The following SERPINA12 variants were observed in gnomAD, a reference collection of about 807,000 sequenced individuals.
SERPINA12 encodes the protein serpin family A member 12, also known as serpin A12.
SERPINA12 carries 21 observed loss-of-function variants against 25.9 expected under a neutral mutation model. The observed-to-expected ratio is 0.81, with a 90% CI of 0.58 to 1.17. The LOEUF is 1.17. Ranked by LOEUF, SERPINA12 falls within the 50% of genes most tolerant of loss-of-function variation. SERPINA12 has a pLI of 0.00. For missense variants in SERPINA12, 562 were observed against 508.3 expected (o/e 1.11, Z -1.02); for synonymous variants, 220 against 196.0 (o/e 1.12, Z -1.02).
chr14:94,495,364 G>A (rs979168510), intron 3 of SERPINA12, among the ~76,000 whole-genome samples: 8 of 151,982 alleles, frequency 5.3e-5, no homozygotes, highest in African/African-American at 1.7e-4. Context: ...CACCGCGCCC[G>A]GCCAGAATTT....
chr14:94,516,564 AGT>A (rs1247606895), intron 1 of SERPINA12, among the ~76,000 whole-genome samples: 1 of 152,162 alleles, frequency 6.6e-6, no homozygotes, highest in Non-Finnish European at 1.5e-5. Flanking sequence ...CCAACCTCAG[AGT>A]GTTCCTGCTT....
chr14:94,489,504 G>A lies in SERPINA12; in HGVS notation c.1053+116C>T, dbSNP rs11160186. ...AAGGGGCACAGCTGCATTCATGCCCGCCCCGACTGGTGGGTGGAGTCTCGG... is the reference window on the plus strand; with the variant it reads ...AAGGGGCACAGCTGCATTCATGCCCACCCCGACTGGTGGGTGGAGTCTCGG... On this transcript the variant is annotated intron_variant, in intron 4 of 4. Transcript: ENST00000677451. 0.12 allele frequency: 147,034 copies of A among 1,225,544 alleles called. 9,146 individuals are homozygous for A. Among genetic ancestry groups the A allele is most frequent in the East Asian group, 0.21 (8,284 of 39,306 alleles). 75.9% of individuals were successfully genotyped at this position (1,225,544 alleles called of 1,614,324 possible).
At chr14:94,514,918 G>T (rs1324888932) in intron 2 of SERPINA12, among the ~76,000 whole-genome samples, 1 of 152,214 alleles carries the variant, frequency 6.6e-6, no homozygotes, top group Non-Finnish European at 1.5e-5. Flanking sequence ...AACAGGCAAT[G>T]AATCAGGGCC....
rs971873727 is a variant in SERPINA12, at chr14:94,492,207, T to C, written c.906-2440A>G. On this transcript the variant is annotated intron_variant, in intron 3 of 4. Transcript: ENST00000677451. Reference sequence around the variant, plus strand: ...TTGGGACCCTGGGAAGGGAGCTTTCTGTGAGAAGTGGGTGCAGAAGCTGGA... The same window carrying C: ...TTGGGACCCTGGGAAGGGAGCTTTCCGTGAGAAGTGGGTGCAGAAGCTGGA... Among the ~76,000 whole-genome samples, 6 of 152,264 alleles carry C rather than the reference T, an allele frequency of 3.9e-5. No homozygotes were observed. The East Asian group carries it at 1.2e-3, about 29-fold the overall frequency.
intron 3 of SERPINA12, among the ~76,000 whole-genome samples, chr14:94,490,907 G>T (rs1391983556): frequency 6.6e-6 from 1 of 152,018 alleles, no homozygotes; most frequent in African/African-American, 2.4e-5. Context: ...CCCCTGTCGG[G>T]CTCCACCCCT....
At chr14:94,508,941 C>T (rs1183726340) in intron 1 of SERPINA12, among the ~76,000 whole-genome samples, 1 of 152,138 alleles carries the variant, frequency 6.6e-6, no homozygotes, top group Non-Finnish European at 1.5e-5. Context: ...TATTCATAGA[C>T]ATTATGTATT....
chr14:94,496,396 T>C lies in SERPINA12; in HGVS notation c.882A>G (p.Arg294=). 1.2e-6 allele frequency: 2 copies of C among 1,614,186 alleles called. No individual in the cohort carries two copies. Among genetic ancestry groups the C allele is most frequent in the Non-Finnish European group, 1.7e-6 (2 of 1,180,040 alleles). Residue 294 remains arginine (R), a synonymous_variant, in exon 3 of 5, where the codon AGA becomes AGG. Coordinates refer to ENST00000677451, the MANE Select transcript of SERPINA12 (RefSeq NM_001382267.1). ...ACCTGCGTGACAGTAATGTTTTCCA[T>C]CTGGAGAAAGTGTCCACCTGCAATC... ...EKGLQVDTFS[R]WKTLLSRRVV... is the part of the protein sequence containing the mutation.
rs1348515574 is a variant in SERPINA12 at position 94,497,881 on chromosome 14, C to T, written c.517G>A (p.Ala173Thr). The T allele has an allele frequency of 1.9e-6, 3 of 1,614,024 alleles. No individual in the cohort carries two copies. Among genetic ancestry groups the T allele is most frequent in the Non-Finnish European group, 2.5e-6 (3 of 1,180,038 alleles). ...ILTNFQNLEM[A>T]QKQINDFISQ... ...ATAAAGTCATTGATCTGCTTCTGAG[C>T]CATTTCCAAATTCTGAAAGTTGGTA... The change falls in exon 2 of 5, where the codon GCT becomes ACT. Residue 173 changes from alanine to threonine, a missense_variant. Transcript: ENST00000677451.
At chr14:94,512,859 C>A (rs922960142), upstream of SERPINA12, among the ~76,000 whole-genome samples, 1 of 152,202 alleles carries the variant, frequency 6.6e-6, no homozygotes, top group East Asian at 1.9e-4. Flanking sequence ...CATTTCTGAG[C>A]TTTCAGAAAT....
intron 2 of SERPINA12, among the ~76,000 whole-genome samples, chr14:94,497,136 T>A (rs921195635): frequency 2.6e-5 from 4 of 152,226 alleles, no homozygotes; most frequent in Non-Finnish European, 5.9e-5. Context: ...GGCCAACCTG[T>A]TTGTGTACAT....
chr14:94,514,723 G>A (rs753081408), intron 2 of SERPINA12, among the ~76,000 whole-genome samples: 1 of 152,202 alleles, frequency 6.6e-6, no homozygotes, highest in Non-Finnish European at 1.5e-5. Flanking sequence ...GAAGTGCAGG[G>A]CCAGGGAATT....
rs150916362 is a variant in SERPINA12 at position 94,498,176 on chromosome 14, T to C, written c.222A>G (p.Leu74=). ...AAGCTGTAGAGATGCTCAAGGGGGA[T>C]AGGAAGATGTTCCTGCCAGGGTTGT... ...AFYNPGRNIF[L]SPLSISTAFS... is the part of the protein sequence containing the mutation. The change falls in exon 2 of 5, where the codon CTA becomes CTG. Residue 74 remains leucine, a synonymous_variant. Coordinates refer to ENST00000677451, the MANE Select transcript of SERPINA12 (RefSeq NM_001382267.1). 14 of 1,614,064 alleles carry C rather than the reference T, an allele frequency of 8.7e-6. No individual in the cohort carries two copies. In the African/African-American group the frequency reaches 1.1e-4, roughly 12 times the overall value.
intron 1 of SERPINA12, among the ~76,000 whole-genome samples, chr14:94,507,625 GCAAAA>G (rs1173624614): frequency 6.6e-6 from 1 of 152,132 alleles, no homozygotes; most frequent in Non-Finnish European, 1.5e-5. Context: ...TCAGAAACAT[GCAAAA>G]CAAAACTACA....
chr14:94,493,031 C>T (rs1487519360), intron 3 of SERPINA12, among the ~76,000 whole-genome samples: 2 of 152,192 alleles, frequency 1.3e-5, no homozygotes, highest in Non-Finnish European at 2.9e-5. Context: ...GACTTGGTTA[C>T]TTCTTTTAGG....
At chr14:94,491,644 T>C (rs1900183986) in intron 3 of SERPINA12, among the ~76,000 whole-genome samples, 1 of 152,066 alleles carries the variant, frequency 6.6e-6, no homozygotes, top group Non-Finnish European at 1.5e-5. Context: ...AGGAGTTTCC[T>C]GACAGACTGA....
intron 1 of SERPINA12, chr14:94,503,997 T>C (rs1033807605): frequency 3.3e-5 from 5 of 152,236 alleles, no homozygotes; most frequent in African/African-American, 1.2e-4. Context: ...ACCTGGATTT[T>C]GGAGATCCTC....
chr14:94,487,547 G>A, intron 4 of SERPINA12, 53 bp from the exon 5 acceptor site: 1 of 1,494,900 alleles, frequency 6.7e-7, no homozygotes. Context: ...GGCGACCACA[G>A]TGGGCCGGAG....
At chr14:94,501,180 G>A in intron 1 of SERPINA12, 3 of 985,196 alleles carry the variant, frequency 3.0e-6, no homozygotes, top group Non-Finnish European at 3.6e-6. Context: ...GGGCTGCACT[G>A]TTTACAAAGG....
At chr14:94,499,731 C>G (rs1900630587) in intron 1 of SERPINA12, among the ~76,000 whole-genome samples, 1 of 152,056 alleles carries the variant, frequency 6.6e-6, no homozygotes, top group Non-Finnish European at 1.5e-5. Flanking sequence ...AGTTGTCTTC[C>G]CTGTAGGGAA....
Sources: gnomAD v4.1 joint callset for allele counts (sites outside exome capture counted in the v4.1 genomes callset) on GRCh38, gnomAD v4.1.1 for gene constraint, MANE v1.5 for transcripts, NCBI Gene and HGNC (gene_info 2026-07-23, HGNC 2026-07-21) for gene names.